The following CALCR variants were observed in gnomAD, a reference collection of about 807,000 sequenced individuals.
CALCR encodes calcitonin receptor.
Under a neutral mutation model 59.5 loss-of-function variants are expected in CALCR, and 47 were observed. The ratio of observed to expected loss-of-function variants is 0.79; its 90% CI spans 0.63 to 1.01. The LOEUF is 1.01. Ranked by LOEUF, CALCR falls within the 50% of genes least tolerant of loss-of-function variation. CALCR has a pLI of 0.00. For missense variants in CALCR, 566 were observed against 597.1 expected (o/e 0.95, Z 0.54); for synonymous variants, 213 against 211.3 (o/e 1.01, Z -0.07).
chr7:93,568,161 G>A (rs1021187100), intron 2 of CALCR, among the ~76,000 whole-genome samples: 1 of 152,042 alleles, frequency 6.6e-6, no homozygotes, highest in African/African-American at 2.4e-5. Flanking sequence ...TCTAAAACAA[G>A]GGATATCAAT....
intron 9 of CALCR, 114 bp from the exon 10 acceptor site, chr7:93,438,384 G>T: frequency 1.3e-6 from 1 of 764,424 alleles, no homozygotes. Flanking sequence ...GAGTGCATCT[G>T]TCAAGATGTT....
Position 93,460,815 on chromosome 7 carries a change from A to G in CALCR, c.648+6T>C. 1 of 1,598,576 alleles carries G rather than the reference A, an allele frequency of 6.3e-7. No individual in the cohort carries two copies. The highest frequency in any genetic ancestry group is 8.5e-7 in the Non-Finnish European group (1 of 1,172,962). On this transcript the variant is annotated splice_donor_region_variant and intron_variant, in intron 8 of 13. Coordinates refer to ENST00000426151, the MANE Select transcript of CALCR (RefSeq NM_001742.4). ...AAAAGTAAAAACAAAACTATGCAGT[A>G]CTTACCGGGTCCCTTCGCACGAGCT...
intron 13 of CALCR, among the ~76,000 whole-genome samples, chr7:93,427,213 T>C (rs1472374143): frequency 1.3e-5 from 2 of 152,236 alleles, no homozygotes; most frequent in Admixed American, 1.3e-4. Context: ...AAATTATATA[T>C]TGAAAACAAG....
Position 93,472,482 on chromosome 7 carries a change from C to A in CALCR, c.322G>T (p.Val108Phe), listed in dbSNP as rs1360860655. 1 of 1,572,416 alleles carries A rather than the reference C, an allele frequency of 6.4e-7. No homozygotes were observed. The highest frequency in any genetic ancestry group is 8.7e-7 in the Non-Finnish European group (1 of 1,144,330). Residue 108 changes from valine (V) to phenylalanine (F), a missense_variant, in exon 6 of 14, where the codon GTT becomes TTT. By Grantham distance (50) the Val-to-Phe change is conservative. Transcript: ENST00000426151. ...CCTTTTTCATCACAGTATTTTGTAA[C>A]CTTTTCTGTTAATGAAACATAACAG... ...YFPDFDPSEK[V>F]TKYCDEKGVW...
intron 2 of CALCR, among the ~76,000 whole-genome samples, chr7:93,535,482 A>C (rs1459244573): frequency 6.6e-6 from 1 of 151,760 alleles, no homozygotes; most frequent in African/African-American, 2.4e-5. Context: ...TGAGGATGAC[A>C]TAACATTATG....
chr7:93,494,578 CCT>C (rs1304908261), intron 2 of CALCR, among the ~76,000 whole-genome samples: 5 of 151,346 alleles, frequency 3.3e-5, no homozygotes, highest in Admixed American at 2.0e-4. Flanking sequence ...ATAACAAATG[CCT>C]CATGCCCAAA....
intron 2 of CALCR, among the ~76,000 whole-genome samples, chr7:93,562,307 A>T (rs1789768357): frequency 1.3e-5 from 2 of 152,114 alleles, no homozygotes; most frequent in African/African-American, 2.4e-5. Context: ...GGCATGTATC[A>T]ACAAGCCTGA....
intron 3 of CALCR, among the ~76,000 whole-genome samples, chr7:93,483,697 A>C (rs1472649229): frequency 6.6e-6 from 1 of 151,662 alleles, no homozygotes; most frequent in Non-Finnish European, 1.5e-5. Context: ...TGATTGGATG[A>C]AACTACCAAA....
Position 93,424,496 on chromosome 7 carries a change from G to T in CALCR, c.*1860C>A, listed in dbSNP as rs555901673. The T allele has an allele frequency of 6.6e-6, 1 of 152,428 alleles. No homozygotes were observed. The highest frequency in any genetic ancestry group is 1.9e-4 in the East Asian group (1 of 5,182). 9.4% of individuals were successfully genotyped at this position (152,428 alleles called of 1,614,324 possible). ...AGGAGACGAGATGAATGAATGAAAA[G>T]ATGAATAATATATTTCTTTAGAAAA... On this transcript the variant is annotated 3_prime_UTR_variant, in exon 14 of 14. Coordinates refer to ENST00000426151, the MANE Select transcript of CALCR (RefSeq NM_001742.4).
chr7:93,471,021 C>T (rs898230518), intron 6 of CALCR, among the ~76,000 whole-genome samples: 2 of 148,958 alleles, frequency 1.3e-5, no homozygotes, highest in Non-Finnish European at 1.5e-5. Context: ...TGAGAATATG[C>T]GGTGTTTGGT....
At chr7:93,568,855 A>G (rs1270268538) in intron 2 of CALCR, among the ~76,000 whole-genome samples, 2 of 152,064 alleles carry the variant, frequency 1.3e-5, no homozygotes, top group East Asian at 3.9e-4. Flanking sequence ...ACTTAACATC[A>G]TCACATGGAT....
chr7:93,426,535 G>A lies in CALCR; in HGVS notation c.1246C>T (p.Arg416Cys), dbSNP rs766603297. 1.2e-6 allele frequency: 2 copies of A among 1,613,402 alleles called. No individual in the cohort carries two copies. Among genetic ancestry groups the A allele is most frequent in the Admixed American group, 1.7e-5 (1 of 60,014 alleles). The change falls in exon 14 of 14, where the codon CGT (arginine) becomes TGT (cysteine). Residue 416 changes from arginine (R) to cysteine (C), a missense_variant. Transcript: ENST00000426151. ...CGGTTGGAGGGGCGCCTCCCCCAAC[G>A]CTGGTTCCACTGAATTTTGAATTGG... is the stretch of plus-strand genomic sequence containing the variant. ...WAQFKIQWNQRWGRRPSNRSA... is the reference protein window; with the variant it reads ...WAQFKIQWNQCWGRRPSNRSA...
At chr7:93,523,356 T>G (rs1036382575) in intron 2 of CALCR, among the ~76,000 whole-genome samples, 7 of 152,186 alleles carry the variant, frequency 4.6e-5, no homozygotes, top group Non-Finnish European at 1.0e-4. Flanking sequence ...AGTCTTGAAA[T>G]AGACTAGTGA....
At chr7:93,536,166 C>A (rs1033580914) in intron 2 of CALCR, among the ~76,000 whole-genome samples, 36 of 151,704 alleles carry the variant, frequency 2.4e-4, no homozygotes, top group African/African-American at 8.5e-4. Context: ...GTTGTGTGTG[C>A]AGCAAGTGTA....
At chr7:93,551,285 C>A (rs1011136637) in intron 2 of CALCR, among the ~76,000 whole-genome samples, 1 of 152,158 alleles carries the variant, frequency 6.6e-6, no homozygotes, top group African/African-American at 2.4e-5. Context: ...CTAAGAAATG[C>A]GCTCAAGAAC....
intron 2 of CALCR, chr7:93,559,893 T>C (rs1789705565): frequency 6.6e-6 from 1 of 152,150 alleles, no homozygotes. Context: ...CTGCTGCAAA[T>C]TTCCACCCTA....
intron 5 of CALCR, among the ~76,000 whole-genome samples, chr7:93,473,917 T>C (rs990300544): frequency 1.3e-5 from 2 of 151,722 alleles, no homozygotes; most frequent in African/African-American, 4.8e-5. Flanking sequence ...TTAGGCAGTG[T>C]ATATGTATCA....
intron 2 of CALCR, among the ~76,000 whole-genome samples, chr7:93,508,599 A>G (rs1330730204): frequency 6.6e-6 from 1 of 152,180 alleles, no homozygotes; most frequent in African/African-American, 2.4e-5. Flanking sequence ...AGGGTCATTG[A>G]ATTATTTTTA....
At chr7:93,478,794 T>C (rs940733009) in intron 4 of CALCR, among the ~76,000 whole-genome samples, 6 of 151,756 alleles carry the variant, frequency 4.0e-5, no homozygotes, top group Non-Finnish European at 7.4e-5. Flanking sequence ...TAATAGAATA[T>C]GTTTAGACCT....
Sources: allele counts gnomAD v4.1 joint callset (sites outside exome capture counted in the v4.1 genomes callset), GRCh38; gene constraint gnomAD v4.1.1; transcripts MANE v1.5; gene names NCBI Gene and HGNC (gene_info 2026-07-23, HGNC 2026-07-21).